F7: variants seen among roughly 807,000 people sequenced by gnomAD.
F7 encodes the protein FVII coagulation protein.
A neutral mutation model predicts 47.5 loss-of-function variants in F7; 38 were observed. The ratio of observed to expected loss-of-function variants is 0.80; its 90% CI spans 0.62 to 1.05. The LOEUF is 1.05. Ranked by LOEUF, F7 falls within the 50% of genes least tolerant of loss-of-function variation. The pLI, the probability that F7 is intolerant of heterozygous loss-of-function variation, is 0.00. For missense variants in F7, 575 were observed against 605.4 expected (o/e 0.95, Z 0.53); for synonymous variants, 244 against 258.5 (o/e 0.94, Z 0.54).
In F7 at chr13:113,113,908, G is replaced by A; in HGVS notation, c.312G>A (p.Gln104=). 1 of 1,614,206 alleles carries A rather than the reference G, an allele frequency of 6.2e-7. No individual in the cohort carries two copies. The highest frequency in any genetic ancestry group is 8.5e-7 in the Non-Finnish European group (1 of 1,180,050). Reference sequence around the variant, plus strand: ...GGGGCTCCTGCAAGGACCAGCTCCAGTCCTATATCTGCTTCTGCCTCCCTG... The same window carrying A: ...GGGGCTCCTGCAAGGACCAGCTCCAATCCTATATCTGCTTCTGCCTCCCTG... ...QNGGSCKDQL[Q]SYICFCLPAF... is the part of the protein sequence containing the mutation. Residue 104 remains glutamine (Q), a synonymous_variant, in exon 4 of 8, where the codon CAG becomes CAA. Coordinates refer to ENST00000346342, the MANE Select transcript of F7 (RefSeq NM_019616.4). The surrounding 1 kb of genome is among the most constrained non-coding windows in gnomAD (Gnocchi z 4.1).
At position 113,109,236 on chromosome 13, in the gene F7, G is replaced by T. The variant is rs576264867; in HGVS notation, c.65-1454G>T. On this transcript the variant is annotated intron_variant, in intron 1 of 7. Transcript: ENST00000346342. ...GGGGGCGTGGGTGTCCCGGGGGTGTGGGTGTCCCGGGGGTCGTGGGTGTCC... is the reference window on the plus strand; with the variant it reads ...GGGGGCGTGGGTGTCCCGGGGGTGTTGGTGTCCCGGGGGTCGTGGGTGTCC... Among the ~76,000 whole-genome samples the T allele has an allele frequency of 1.0e-3, 151 of 150,526 alleles. 1 individual carries two copies. The highest frequency in any genetic ancestry group is 3.5e-3 in the African/African-American group (145 of 40,886).
intron 2 of F7, among the ~76,000 whole-genome samples, chr13:113,112,360 T>A (rs111174329): frequency 7.5e-6 from 1 of 133,902 alleles, no homozygotes; most frequent in African/African-American, 3.0e-5. Flanking sequence ...GACACCTCAC[T>A]CTCACAGGAC....
Position 113,118,973 on chromosome 13 carries a change from C to T in F7, c.1300C>T (p.Arg434Cys), listed in dbSNP as rs139256317. The stretch of plus-strand genomic sequence containing the variant: ...GCAAAAGCTCATGCGCTCAGAGCCA[C>T]GCCCAGGAGTCCTCCTGCGAGCCCC... Reference protein sequence around the residue: ...WLQKLMRSEPRPGVLLRAPFP With the variant: ...WLQKLMRSEPCPGVLLRAPFP The change falls in exon 8 of 8, where the codon CGC becomes TGC. Residue 434 changes from arginine to cysteine, a missense_variant. Coordinates refer to ENST00000346342, the MANE Select transcript of F7 (RefSeq NM_019616.4). The T allele has an allele frequency of 1.9e-5, 31 of 1,603,110 alleles. No individual in the cohort carries two copies. The African/African-American group carries it at 2.5e-4, about 13-fold the overall frequency.
At chr13:113,106,950 T>C (rs745520299) in intron 1 of F7, 1 of 1,569,172 alleles carries the variant, frequency 6.4e-7, no homozygotes, top group South Asian at 1.2e-5. Flanking sequence ...TGGGGCCCAG[T>C]GGGGGCCAAC....
intron 1 of F7, chr13:113,106,878 G>A (rs753973045): frequency 7.8e-5 from 126 of 1,606,814 alleles, no homozygotes; most frequent in Middle Eastern, 1.7e-4. Flanking sequence ...GGAGAAACAC[G>A]GGACATGCCG....
chr13:113,115,865 C>T, intron 5 of F7, 65 bp downstream of exon 5: 1 of 1,606,594 alleles, frequency 6.2e-7, no homozygotes, highest in Non-Finnish European at 8.5e-7. Flanking sequence ...GATTATCTTA[C>T]TGGACAAAAG....
chr13:113,114,613 C>G, intron 4 of F7: 1 of 157,126 alleles, frequency 6.4e-6, no homozygotes, highest in Non-Finnish European at 1.4e-5. Context: ...GGAAGCTCTA[C>G]GAGCCCCGGT....
At position 113,118,534 on chromosome 13, in the gene F7, C is replaced by T; in HGVS notation, c.861C>T (p.His287=). Residue 287 remains histidine (H), a synonymous_variant, in exon 8 of 8, where the codon CAC becomes CAT. Transcript: ENST00000346342. The stretch of plus-strand genomic sequence containing the variant: ...ACGACATCGCGCTGCTCCGCCTGCA[C>T]CAGCCCGTGGTCCTCACTGACCATG... The part of the protein sequence containing the change: ...TNHDIALLRL[H]QPVVLTDHVV... 6.2e-7 allele frequency: 1 copy of T among 1,612,340 alleles called. No homozygotes were observed. Among genetic ancestry groups the T allele is most frequent in the Non-Finnish European group, 8.5e-7 (1 of 1,179,928 alleles).
At chr13:113,118,341 G>A in intron 7 of F7, 72 bp from the exon 8 acceptor site, 1 of 1,486,320 alleles carries the variant, frequency 6.7e-7, no homozygotes, top group Non-Finnish European at 9.1e-7. Context: ...AATGGCCACA[G>A]CCCATCCCCA....
chr13:113,108,842 A>T (rs376750008), intron 1 of F7, among the ~76,000 whole-genome samples: 4 of 7,198 alleles, frequency 5.6e-4, no homozygotes, highest in South Asian at 5.7e-3. Flanking sequence ...GTCCCGGGGG[A>T]GTGGGTGTCC....
At chr13:113,110,395 T>G in intron 1 of F7, 1 of 360,192 alleles carries the variant, frequency 2.8e-6, no homozygotes, top group Non-Finnish European at 5.0e-6. Context: ...CAGCCTCACG[T>G]TTACGCGGCG....
At position 113,113,878 on chromosome 13, in the gene F7, G is replaced by A; in HGVS notation, c.282G>A (p.Gln94=). ...DGDQCASSPC[Q]NGGSCKDQLQ... ...ACCAGTGTGCCTCAAGTCCATGCCA[G>A]AATGGGGGCTCCTGCAAGGACCAGC... The change falls in exon 4 of 8, where the codon CAG becomes CAA. Residue 94 remains glutamine, a synonymous_variant. Coordinates refer to ENST00000346342, the MANE Select transcript of F7 (RefSeq NM_019616.4). This position sits in a 1 kb window ranked among gnomAD's most constrained non-coding sequence, Gnocchi z 4.1. The A allele has an allele frequency of 6.2e-7, 1 of 1,614,168 alleles. No individual in the cohort carries two copies.
intron 1 of F7, among the ~76,000 whole-genome samples, chr13:113,108,747 GT>G (rs1301711876): frequency 6.2e-5 from 7 of 112,820 alleles, no homozygotes; most frequent in South Asian, 3.5e-4. Flanking sequence ...GAGTGTGGGT[GT>G]TCCAGAGGCG....
At chr13:113,116,912 A>C (rs772035566) in intron 6 of F7, 37 bp downstream of exon 6, 7 of 1,496,900 alleles carry the variant, frequency 4.7e-6, no homozygotes, top group Non-Finnish European at 4.7e-6. Context: ...CCAAGCCCTG[A>C]GGGTCTTGAA....
chr13:113,106,016 C>T (rs2035946413), intron 1 of F7, 111 bp downstream of exon 1: 5 of 929,842 alleles, frequency 5.4e-6, no homozygotes, highest in Middle Eastern at 3.3e-4. Context: ...CCCCATCCAC[C>T]AGGAGGGTTT....
intron 1 of F7, among the ~76,000 whole-genome samples, chr13:113,109,614 C>T (rs2036050412): frequency 6.6e-6 from 1 of 152,188 alleles, no homozygotes; most frequent in Admixed American, 6.5e-5. Context: ...GAGGCCTCGT[C>T]CTCCCAGCAA....
At chr13:113,118,359 G>A (rs1280904403) in intron 7 of F7, 54 bp from the exon 8 acceptor site, 1 of 1,532,260 alleles carries the variant, frequency 6.5e-7, no homozygotes, top group Non-Finnish European at 8.8e-7. Flanking sequence ...CCATGCACCA[G>A]GGGGTGAGGT....
At chr13:113,110,614 G>A in intron 1 of F7, 76 bp from the exon 2 acceptor site, 1 of 1,532,906 alleles carries the variant, frequency 6.5e-7, no homozygotes. Flanking sequence ...TGCCCCCGCC[G>A]CGTGGGCCGT....
At chr13:113,110,424 G>C (rs796081697) in intron 1 of F7, 73 of 424,840 alleles carry the variant, frequency 1.7e-4, no homozygotes, top group African/African-American at 1.3e-3. Context: ...AGCCCCCTTC[G>C]GCCCGGCTTC....
Sources: allele counts gnomAD v4.1 joint callset (sites outside exome capture counted in the v4.1 genomes callset), GRCh38; gene constraint gnomAD v4.1.1; non-coding constraint Gnocchi (gnomAD v3.1); transcripts MANE v1.5; gene names NCBI Gene and HGNC (gene_info 2026-07-23, HGNC 2026-07-21).